LGR5: variants seen among roughly 807,000 people sequenced by gnomAD.
LGR5 encodes leucine rich repeat containing G protein-coupled receptor 5.
Under a neutral mutation model 76.7 loss-of-function variants are expected in LGR5, and 54 were observed. The ratio of observed to expected loss-of-function variants is 0.70; its 90% CI spans 0.57 to 0.88. The LOEUF is 0.88. LGR5 is among the 40% of genes least tolerant of loss of function. The pLI is 0.00. For synonymous variants in LGR5, 406 were observed against 421.9 expected (o/e 0.96, Z 0.46); for missense variants, 1,078 against 1,073.3 (o/e 1.00, Z -0.06).
At chr12:71,471,485 A>G (rs1383970133) in intron 1 of LGR5, among the ~76,000 whole-genome samples, 2 of 152,180 alleles carry the variant, frequency 1.3e-5, no homozygotes, top group Non-Finnish European at 2.9e-5. Context: ...CTGGTTAGTG[A>G]CTGCTAATGG....
chr12:71,530,996 GAA>G (rs35134425), intron 3 of LGR5, among the ~76,000 whole-genome samples: 18 of 138,660 alleles, frequency 1.3e-4, no homozygotes, highest in African/African-American at 2.7e-4. Flanking sequence ...GTCCTGTTGG[GAA>G]AAAAAAAAAA....
At chr12:71,491,188 T>C (rs1478361134) in intron 1 of LGR5, among the ~76,000 whole-genome samples, 1 of 152,194 alleles carries the variant, frequency 6.6e-6, no homozygotes, top group Non-Finnish European at 1.5e-5. Flanking sequence ...AACCTCTTTT[T>C]CTTTATAAAT....
intron 1 of LGR5, among the ~76,000 whole-genome samples, chr12:71,483,059 G>C (rs545527634): frequency 5.3e-4 from 81 of 152,040 alleles, no homozygotes; most frequent in Non-Finnish European, 1.0e-3. Context: ...AAACTGTAAA[G>C]TTCCAGGCAA....
intron 1 of LGR5, among the ~76,000 whole-genome samples, chr12:71,477,222 C>T (rs1873375395): frequency 6.6e-6 from 1 of 152,058 alleles, no homozygotes. Context: ...CTCCTCACCA[C>T]CCGTTTTCTC....
chr12:71,451,042 C>G (rs1872230316), intron 1 of LGR5, among the ~76,000 whole-genome samples: 1 of 152,170 alleles, frequency 6.6e-6, no homozygotes, highest in Non-Finnish European at 1.5e-5. Context: ...GCAAATTAAA[C>G]TTAACAGAGT....
At chr12:71,481,649 A>T (rs957482699) in intron 1 of LGR5, among the ~76,000 whole-genome samples, 1 of 152,174 alleles carries the variant, frequency 6.6e-6, no homozygotes, top group Non-Finnish European at 1.5e-5. Flanking sequence ...GGGGAAAGGA[A>T]GATTTCATCC....
chr12:71,505,115 G>T (rs1401788581), intron 2 of LGR5, among the ~76,000 whole-genome samples: 2 of 152,228 alleles, frequency 1.3e-5, no homozygotes, highest in African/African-American at 2.4e-5. Context: ...AGTCCACATT[G>T]CATAGCACCA....
chr12:71,552,610 T>G (rs1877547182), intron 4 of LGR5, among the ~76,000 whole-genome samples: 1 of 151,302 alleles, frequency 6.6e-6, no homozygotes, highest in Non-Finnish European at 1.5e-5. Context: ...AATACTGAAA[T>G]GAAATAATCT....
intron 8 of LGR5, among the ~76,000 whole-genome samples, chr12:71,565,118 T>G (rs988483596): frequency 2.0e-5 from 3 of 151,976 alleles, no homozygotes; most frequent in African/African-American, 7.3e-5. Flanking sequence ...TAGCTCTTTC[T>G]CTTACTGATT....
chr12:71,448,199 A>C (rs1872101590), intron 1 of LGR5, among the ~76,000 whole-genome samples: 1 of 152,100 alleles, frequency 6.6e-6, no homozygotes, highest in Non-Finnish European at 1.5e-5. Context: ...GTTTCACTGA[A>C]ACACTGGTAA....
chr12:71,443,467 G>T (rs1372685191), intron 1 of LGR5, among the ~76,000 whole-genome samples: 1 of 152,116 alleles, frequency 6.6e-6, no homozygotes, highest in African/African-American at 2.4e-5. Context: ...GTGGTTATGG[G>T]CTCTGATTTT....
chr12:71,443,558 T>C (rs1871856929), intron 1 of LGR5, among the ~76,000 whole-genome samples: 1 of 152,210 alleles, frequency 6.6e-6, no homozygotes, highest in Non-Finnish European at 1.5e-5. Flanking sequence ...ACAATAATGG[T>C]TTACAACATT....
At chr12:71,503,856 G>A (rs889707348) in intron 1 of LGR5, among the ~76,000 whole-genome samples, 6 of 152,126 alleles carry the variant, frequency 3.9e-5, no homozygotes, top group Non-Finnish European at 7.3e-5. Flanking sequence ...ATGATGCTGT[G>A]GGGTTATGTA....
Position 71,583,646 on chromosome 12 carries a change from G to T in LGR5, c.1637-1G>T. 1 of 1,606,760 alleles carries T rather than the reference G, an allele frequency of 6.2e-7. No individual in the cohort carries two copies. The highest frequency in any genetic ancestry group is 1.1e-5 in the South Asian group (1 of 90,364). ...AATCTTTGCCTTCCTTGGACTTCTA[G>T]GCCCCTTCAAACCCTGTGAACACCT... On this transcript the variant is annotated splice_acceptor_variant, in intron 17 of 17. Coordinates refer to ENST00000266674, the MANE Select transcript of LGR5 (RefSeq NM_003667.4). LOFTEE classifies it high-confidence loss of function.
At chr12:71,512,140 C>G (rs541206856) in intron 2 of LGR5, among the ~76,000 whole-genome samples, 52 of 152,164 alleles carry the variant, frequency 3.4e-4, no homozygotes, top group Middle Eastern at 3.4e-3. Context: ...TACAGGCACC[C>G]GCCATCATGC....
intron 4 of LGR5, among the ~76,000 whole-genome samples, chr12:71,539,037 A>G (rs746870378): frequency 2.0e-5 from 3 of 152,246 alleles, no homozygotes; most frequent in Non-Finnish European, 4.4e-5. Context: ...TTAAGAGGCC[A>G]CATGCTCTAT....
chr12:71,532,167 AAAAGT>A (rs1876351821), intron 3 of LGR5, among the ~76,000 whole-genome samples: 1 of 152,248 alleles, frequency 6.6e-6, no homozygotes, highest in African/African-American at 2.4e-5. Context: ...AATGTAACAC[AAAAGT>A]AAAGAAATAC....
intron 2 of LGR5, among the ~76,000 whole-genome samples, chr12:71,522,467 T>A: frequency 6.6e-6 from 1 of 152,218 alleles, no homozygotes. Context: ...GCCAACACCA[T>A]GCTTAGGCTA....
At chr12:71,460,500 C>T (rs1051694142) in intron 1 of LGR5, among the ~76,000 whole-genome samples, 2 of 152,144 alleles carry the variant, frequency 1.3e-5, no homozygotes, top group African/African-American at 4.8e-5. Context: ...TACCATTTAA[C>T]TCTTACTGAT....
Sources: gnomAD v4.1 joint callset for allele counts (sites outside exome capture counted in the v4.1 genomes callset) on GRCh38, gnomAD v4.1.1 for gene constraint, MANE v1.5 for transcripts, NCBI Gene and HGNC (gene_info 2026-07-23, HGNC 2026-07-21) for gene names.